KIF7: variants seen among roughly 807,000 people sequenced by gnomAD.
KIF7 encodes kinesin family member 7.
KIF7 carries 104 observed loss-of-function variants against 135.7 expected under a neutral mutation model. The observed-to-expected ratio is 0.77, with a 90% CI of 0.65 to 0.90. KIF7 has a LOEUF of 0.90. Among genes scored for constraint, KIF7 ranks in the 40% least tolerant of loss-of-function variants. The probability of loss-of-function intolerance (pLI) is 0.00; values close to 1 mark genes in which losing one functional copy is unlikely to be tolerated. For missense variants in KIF7, 2,005 were observed against 1,839.1 expected, an observed-to-expected ratio of 1.09 and a Z score of -1.65; for synonymous variants, 883 against 809.4, an observed-to-expected ratio of 1.09 and a Z score of -1.54.
chr15:89,650,538 C>T (rs1319709885), intron 2 of KIF7, among the ~76,000 whole-genome samples: 1 of 152,176 alleles, frequency 6.6e-6, no homozygotes, highest in Non-Finnish European at 1.5e-5. Flanking sequence ...GGATTATAGG[C>T]ATCTGCCACC....
At chr15:89,662,698 A>G in the KIF7 span, among the ~76,000 whole-genome samples, 1 of 152,136 alleles carries the variant, frequency 6.6e-6, no homozygotes, top group Non-Finnish European at 1.5e-5. Context: ...CCTGAGCTAC[A>G]CTGAAGATAC....
chr15:89,647,821 T>A, intron 5 of KIF7, 109 bp from the exon 6 acceptor site: 1 of 899,716 alleles, frequency 1.1e-6, no homozygotes. Context: ...AAGCCCTACC[T>A]GCAGTGGGAA....
rs771334715 is a variant in KIF7, at chr15:89,649,153, G to A, written c.744C>T (p.Phe248=). 1.4e-5 allele frequency: 21 copies of A among 1,548,080 alleles called. No individual in the cohort carries two copies. Among genetic ancestry groups the A allele is most frequent in the Non-Finnish European group, 1.8e-5 (21 of 1,146,756 alleles). Residue 248 remains phenylalanine (F), a synonymous_variant, in exon 4 of 19, where the codon TTC becomes TTT. Coordinates refer to ENST00000394412, the MANE Select transcript of KIF7 (RefSeq NM_198525.3). Reference sequence around the variant, plus strand: ...CTGAGCCCGCCAGGTCCACGAAGTGGAACTTGGAGACGAGCAGCTGGCCCG... The same window carrying A: ...CTGAGCCCGCCAGGTCCACGAAGTGAAACTTGGAGACGAGCAGCTGGCCCG... ...PAPGQLLVSK[F]HFVDLAGSER...
chr15:89,624,315 A>T, downstream of KIF7: 1 of 1,614,210 alleles, frequency 6.2e-7, no homozygotes, highest in Non-Finnish European at 8.5e-7. Context: ...GTCCTTCCCC[A>T]GGAGAACTGG....
downstream of KIF7, chr15:89,623,793 C>G (rs934815210): frequency 2.5e-6 from 4 of 1,613,958 alleles, no homozygotes; most frequent in Non-Finnish European, 2.5e-6. Flanking sequence ...AAGACTCCTC[C>G]TCACCCGGCC....
intron 6 of KIF7, 34 bp downstream of exon 6, chr15:89,647,562 A>C (rs1463124693): frequency 6.4e-7 from 1 of 1,571,394 alleles, no homozygotes; most frequent in African/African-American, 1.3e-5. Flanking sequence ...CTCCTCTGGG[A>C]AGCCTTCCCC....
chr15:89,632,646 A>G (rs1236336704), intron 14 of KIF7, among the ~76,000 whole-genome samples, 174 bp downstream of exon 14: 1 of 151,970 alleles, frequency 6.6e-6, no homozygotes, highest in Non-Finnish European at 1.5e-5. Flanking sequence ...TCCTGTCTAG[A>G]CCTCGCCTGG....
chr15:89,634,850 C>G (rs11073882), intron 11 of KIF7, among the ~76,000 whole-genome samples: 1 of 151,938 alleles, frequency 6.6e-6, no homozygotes, highest in Non-Finnish European at 1.5e-5. Context: ...CTGCCTGCCT[C>G]TGTAGGCTCC....
chr15:89,632,761 T>C (rs759247661), intron 14 of KIF7, 59 bp downstream of exon 14: 170 of 1,554,410 alleles, frequency 1.1e-4, no homozygotes, highest in Non-Finnish European at 1.4e-4. Context: ...AGATCTGTCC[T>C]GGCTGGACCT....
downstream of KIF7, chr15:89,625,509 C>T (rs765305888): frequency 6.2e-7 from 1 of 1,613,908 alleles, no homozygotes; most frequent in East Asian, 2.2e-5. Flanking sequence ...ACAGGACGCC[C>T]ATCTTGGAGG....
chr15:89,645,147 G>C lies in KIF7; in HGVS notation c.2057C>G (p.Ala686Gly). ...GGGGACCTGGCGGGCCTGAACTCGG[G>C]CCTTGCTCCCACCAACTGCTGCAAC... Reference protein sequence around the residue: ...PGSRAVGGSKARVQARQVPPA... With the variant: ...PGSRAVGGSKGRVQARQVPPA... Residue 686 changes from alanine (A) to glycine (G), a missense_variant, in exon 10 of 19, where the codon GCC (alanine) becomes GGC (glycine). By Grantham distance (60) the Ala-to-Gly change is moderately conservative (BLOSUM62 0). Transcript: ENST00000394412. The C allele has an allele frequency of 1.2e-6, 2 of 1,604,418 alleles. No individual in the cohort carries two copies. The highest frequency in any genetic ancestry group is 2.7e-5 in the African/African-American group (2 of 75,058).
intron 11 of KIF7, among the ~76,000 whole-genome samples, chr15:89,635,086 G>A (rs1440638742): frequency 4.6e-5 from 7 of 151,738 alleles, no homozygotes; most frequent in African/African-American, 1.5e-4. Flanking sequence ...TCACACGGCC[G>A]GGTACTCCAA....
upstream of KIF7, among the ~76,000 whole-genome samples, chr15:89,657,555 G>A (rs759898282): frequency 7.2e-5 from 11 of 152,118 alleles, no homozygotes; most frequent in Non-Finnish European, 1.5e-4. Context: ...GTGTGTACCC[G>A]AGTGTCCAAA....
At chr15:89,619,689 T>G in intron 1 of KIF7, 1 of 1,596,206 alleles carries the variant, frequency 6.3e-7, no homozygotes, top group Non-Finnish European at 8.5e-7. Context: ...GGTTACTTAC[T>G]GTGGTTCTGA....
intron 2 of KIF7, among the ~76,000 whole-genome samples, chr15:89,650,261 TA>T (rs1211537849): frequency 1.3e-5 from 2 of 152,258 alleles, no homozygotes; most frequent in Admixed American, 6.5e-5. Context: ...CATGCTCAGT[TA>T]TCTAAAGGGC....
rs1001675067 is a variant in KIF7 at position 89,629,532 on chromosome 15, G to A, written c.3360C>T (p.Ala1120=). 7 of 1,610,184 alleles carry A rather than the reference G, an allele frequency of 4.3e-6. No homozygotes were observed. The highest frequency in any genetic ancestry group is 2.7e-5 in the African/African-American group (2 of 74,926). The change falls in exon 17 of 19, where the codon GCC becomes GCT. Residue 1120 remains alanine (A), a synonymous_variant. Coordinates refer to ENST00000394412, the MANE Select transcript of KIF7 (RefSeq NM_198525.3). ...LREEQHQQQI[A]FSELEMQLEE... Reference sequence around the variant, plus strand: ...CCAGCTGCATCTCCAGTTCCGAGAAGGCAATCTGCTGCTGGTGCTGCTCCT... The same window carrying A: ...CCAGCTGCATCTCCAGTTCCGAGAAAGCAATCTGCTGCTGGTGCTGCTCCT...
intron 14 of KIF7, 47 bp from the exon 15 acceptor site, chr15:89,631,757 T>C: frequency 6.8e-7 from 1 of 1,474,018 alleles, no homozygotes; most frequent in South Asian, 1.3e-5. Flanking sequence ...GGCACTGTCC[T>C]CACAGGGGGG....
Position 89,631,648 on chromosome 15 carries a change from G to T in KIF7, c.2958C>A (p.Ser986=). The change falls in exon 15 of 19, where the codon TCC becomes TCA. Residue 986 remains serine, a synonymous_variant. Coordinates refer to ENST00000394412, the MANE Select transcript of KIF7 (RefSeq NM_198525.3). The part of the protein sequence containing the change: ...SRLEHLEKEL[S]EKSGQLRQGS... Reference sequence around the variant, plus strand: ...CCTGCCGCAGCTGCCCGCTCTTCTCGGACAGCTCCTTCTCCAGGTGCTCCA... The same window carrying T: ...CCTGCCGCAGCTGCCCGCTCTTCTCTGACAGCTCCTTCTCCAGGTGCTCCA... The T allele has an allele frequency of 1.3e-6, 2 of 1,562,556 alleles. No homozygotes were observed. Among genetic ancestry groups the T allele is most frequent in the Non-Finnish European group, 1.7e-6 (2 of 1,152,226 alleles).
At position 89,619,634 on chromosome 15, in the gene KIF7, C is replaced by T. The variant is rs564846975; in HGVS notation, c.181-1439G>A. On this transcript the variant is annotated intron_variant and NMD_transcript_variant, in intron 1 of 2. Coordinates refer to the KIF7 transcript ENST00000558928. ...TATGTGGTACTATGTAAATTTTGCCCGGTTTTGGACAACATGAGAAAATGT... is the reference window on the plus strand; with the variant it reads ...TATGTGGTACTATGTAAATTTTGCCTGGTTTTGGACAACATGAGAAAATGT... 333 of 1,520,928 alleles carry T rather than the reference C, an allele frequency of 2.2e-4. 1 individual carries two copies. The highest frequency in any genetic ancestry group is 2.8e-4 in the Non-Finnish European group (322 of 1,132,688). The allele number at this position is 1,520,928 out of a possible 1,614,324, so 94.2% of individuals were successfully genotyped here.
Sources: allele counts gnomAD v4.1 joint callset (sites outside exome capture counted in the v4.1 genomes callset), GRCh38; gene constraint gnomAD v4.1.1; transcripts MANE v1.5; gene names NCBI Gene and HGNC (gene_info 2026-07-23, HGNC 2026-07-21).